ZHX2: variants seen among roughly 807,000 people sequenced by gnomAD.
ZHX2 encodes the protein zinc fingers and homeoboxes protein 2.
In ZHX2, 6 loss-of-function variants were observed where a neutral mutation model predicts 21.9. The observed-to-expected ratio is 0.27, with a 90% CI of 0.15 to 0.54. ZHX2 has a LOEUF of 0.54. ZHX2 is among the 20% of genes least tolerant of loss of function. The pLI, the probability that ZHX2 is intolerant of heterozygous loss-of-function variation, is 0.95. For missense variants in ZHX2, 908 were observed against 1,090.7 expected (o/e 0.83, Z 2.36); for synonymous variants, 434 against 437.1 (o/e 0.99, Z 0.09).
chr8:122,872,122 A>G (rs10112939), intron 2 of ZHX2, among the ~76,000 whole-genome samples: 36,566 of 152,144 alleles, frequency 0.24, 5,342 homozygotes, highest in East Asian at 0.38. Context: ...TCAGGTCTGC[A>G]GGCGAAGAAA....
intron 2 of ZHX2, among the ~76,000 whole-genome samples, chr8:122,946,357 G>A (rs911787214): frequency 6.6e-6 from 1 of 152,062 alleles, no homozygotes; most frequent in African/African-American, 2.4e-5. Context: ...TCCACCAAGA[G>A]AACCCTAATA....
intron 2 of ZHX2, among the ~76,000 whole-genome samples, chr8:122,936,084 T>C (rs1320128376): frequency 1.3e-5 from 2 of 152,198 alleles, no homozygotes; most frequent in African/African-American, 4.8e-5. Context: ...TATATTTCTA[T>C]GTCCGAAAAG....
chr8:122,859,873 T>A (rs1819120217), intron 1 of ZHX2, among the ~76,000 whole-genome samples: 1 of 152,250 alleles, frequency 6.6e-6, no homozygotes, highest in Admixed American at 6.5e-5. Flanking sequence ...GGGTACCCAA[T>A]GAATTATTGT....
chr8:122,839,066 G>C (rs1818566516), intron 1 of ZHX2, among the ~76,000 whole-genome samples: 1 of 151,914 alleles, frequency 6.6e-6, no homozygotes, highest in African/African-American at 2.4e-5. Context: ...TATTCCAAAG[G>C]GTTTTTCGTG....
At chr8:122,917,374 C>T (rs1042725235) in intron 2 of ZHX2, among the ~76,000 whole-genome samples, 3 of 152,052 alleles carry the variant, frequency 2.0e-5, no homozygotes, top group Non-Finnish European at 4.4e-5. Flanking sequence ...ACCCCTGACC[C>T]ACCACAATGT....
chr8:122,801,847 A>G (rs1439802302), intron 1 of ZHX2, among the ~76,000 whole-genome samples: 3 of 152,062 alleles, frequency 2.0e-5, no homozygotes, highest in Non-Finnish European at 4.4e-5. Flanking sequence ...AGTTCCGGAC[A>G]CTCTGGCTTT....
chr8:122,826,289 T>C (rs1818265097), intron 1 of ZHX2, among the ~76,000 whole-genome samples: 1 of 152,176 alleles, frequency 6.6e-6, no homozygotes, highest in Non-Finnish European at 1.5e-5. Flanking sequence ...AAACTACTAG[T>C]AATTGTGTGG....
At chr8:122,943,347 A>G (rs1273673071) in intron 2 of ZHX2, among the ~76,000 whole-genome samples, 1 of 152,192 alleles carries the variant, frequency 6.6e-6, no homozygotes, top group Non-Finnish European at 1.5e-5. Context: ...TTTTAACACA[A>G]TCCCTAGGTC....
chr8:122,957,053 GAGGTCGAGGT>G (rs1671182093), intron 3 of ZHX2, among the ~76,000 whole-genome samples: 1 of 152,168 alleles, frequency 6.6e-6, no homozygotes, highest in South Asian at 2.1e-4. Flanking sequence ...CTGAATAGCA[GAGGTCGAGGT>G]AGGTTCTCTG....
chr8:122,868,098 C>T (rs1374253013), intron 2 of ZHX2, among the ~76,000 whole-genome samples: 2 of 152,138 alleles, frequency 1.3e-5, no homozygotes, highest in African/African-American at 4.8e-5. Context: ...TAGCGGGTTT[C>T]TCTAGTACAG....
At chr8:122,784,875 T>A (rs1029490353) in intron 1 of ZHX2, among the ~76,000 whole-genome samples, 14 of 152,124 alleles carry the variant, frequency 9.2e-5, no homozygotes, top group Non-Finnish European at 1.6e-4. Context: ...ACACACACAC[T>A]CTGCTGTTGC....
intron 2 of ZHX2, among the ~76,000 whole-genome samples, chr8:122,947,712 A>G (rs908099260): frequency 2.6e-5 from 4 of 152,064 alleles, no homozygotes; most frequent in Non-Finnish European, 5.9e-5. Flanking sequence ...TGACTTTTCA[A>G]TGGAGACCTA....
At chr8:122,932,667 T>C (rs578042705) in intron 2 of ZHX2, among the ~76,000 whole-genome samples, 34 of 152,344 alleles carry the variant, frequency 2.2e-4, no homozygotes, top group African/African-American at 8.2e-4. Context: ...ATAAGGATAC[T>C]TGTGGTTACA....
chr8:122,935,675 C>G (rs185030985), intron 2 of ZHX2, among the ~76,000 whole-genome samples: 2 of 151,822 alleles, frequency 1.3e-5, no homozygotes, highest in African/African-American at 4.8e-5. Context: ...AGCTGGGACT[C>G]CAGGCACCCA....
intron 1 of ZHX2, among the ~76,000 whole-genome samples, chr8:122,795,494 T>C (rs539104955): frequency 1.3e-5 from 2 of 152,198 alleles, no homozygotes; most frequent in African/African-American, 2.4e-5. Context: ...TTGTGGCACA[T>C]AGAGCAATAT....
rs868440148 is a variant in ZHX2 at position 122,951,639 on chromosome 8, C to T, written c.129C>T (p.Ala43=). 1 of 1,613,970 alleles carries T rather than the reference C, an allele frequency of 6.2e-7. No homozygotes were observed. Residue 43 remains alanine (A), a synonymous_variant, in exon 3 of 4, where the codon GCC becomes GCT. Coordinates refer to ENST00000314393, the MANE Select transcript of ZHX2 (RefSeq NM_014943.5). ...TCGGCACACCACAGCCTGACGTGGCCAAGGACAGTTGGGCAGCAGAACTTG... is the reference window on the plus strand; with the variant it reads ...TCGGCACACCACAGCCTGACGTGGCTAAGGACAGTTGGGCAGCAGAACTTG... The part of the protein sequence containing the change: ...KGIGTPQPDV[A]KDSWAAELEN...
intron 2 of ZHX2, among the ~76,000 whole-genome samples, chr8:122,917,255 T>C (rs865998841): frequency 2.6e-5 from 4 of 152,134 alleles, no homozygotes; most frequent in South Asian, 2.1e-4. Context: ...TTGCAGGTGT[T>C]CTTCACTCTA....
At chr8:122,915,618 C>G (rs16897640) in intron 2 of ZHX2, among the ~76,000 whole-genome samples, 6,868 of 152,258 alleles carry the variant, frequency 0.045, 506 homozygotes, top group African/African-American at 0.16. Flanking sequence ...TTTCCTCCTT[C>G]AGTTATGGGT....
intron 1 of ZHX2, among the ~76,000 whole-genome samples, chr8:122,795,407 G>A (rs573771347): frequency 1.2e-4 from 19 of 152,216 alleles, no homozygotes; most frequent in Non-Finnish European, 2.2e-4. Context: ...GCCTCTGGGC[G>A]CAAGCTGGGT....
Sources: allele counts gnomAD v4.1 joint callset (sites outside exome capture counted in the v4.1 genomes callset), GRCh38; gene constraint gnomAD v4.1.1; transcripts MANE v1.5; gene names NCBI Gene and HGNC (gene_info 2026-07-23, HGNC 2026-07-21).